PROCR: variants seen among roughly 807,000 people sequenced by gnomAD.
The protein encoded by PROCR is protein C receptor.
In PROCR, 22 loss-of-function variants were observed where a neutral mutation model predicts 24.2. The ratio of observed to expected loss-of-function variants is 0.91; its 90% CI spans 0.65 to 1.30. The LOEUF (loss-of-function observed/expected upper bound fraction) is 1.30. Among genes scored for constraint, PROCR ranks in the 50% most tolerant of loss-of-function variants. PROCR has a pLI of 0.00. For synonymous variants in PROCR, 137 were observed against 139.2 expected, an observed-to-expected ratio of 0.98 and a Z score of 0.11; for missense variants, 288 against 307.7, an observed-to-expected ratio of 0.94 and a Z score of 0.48.
chr20:35,192,588 A>G (rs2086183107), intron 1 of PROCR, among the ~76,000 whole-genome samples: 1 of 152,176 alleles, frequency 6.6e-6, no homozygotes, highest in Non-Finnish European at 1.5e-5. Flanking sequence ...CTGAAGGGAA[A>G]GGAATGTGCT....
rs767542201 is a variant in PROCR, at chr20:35,176,158, C to T, written c.323-10C>T. On this transcript the variant is annotated splice_polypyrimidine_tract_variant and intron_variant, in intron 2 of 3. Coordinates refer to ENST00000216968, the MANE Select transcript of PROCR (RefSeq NM_006404.5). ...TGCACAGTCCCCTGACCCTGACTGT[C>T]TATCCACAGTTCCTCTGACCATCCG... 3.7e-6 allele frequency: 6 copies of T among 1,613,264 alleles called. No individual in the cohort carries two copies. The highest frequency in any genetic ancestry group is 1.7e-5 in the Admixed American group (1 of 60,026).
chr20:35,190,531 A>G (rs1232653192), intron 1 of PROCR, among the ~76,000 whole-genome samples: 1 of 152,100 alleles, frequency 6.6e-6, no homozygotes, highest in Non-Finnish European at 1.5e-5. Context: ...CAGTATGTTT[A>G]TTTTTCTCAG....
downstream of PROCR, among the ~76,000 whole-genome samples, chr20:35,180,175 A>G (rs930807274): frequency 6.6e-6 from 1 of 152,160 alleles, no homozygotes; most frequent in Non-Finnish European, 1.5e-5. Flanking sequence ...TGAACCCAAG[A>G]GGCAGAGGTT....
chr20:35,205,809 ATG>A (rs1451450275), intron 1 of PROCR, among the ~76,000 whole-genome samples: 3 of 141,648 alleles, frequency 2.1e-5, no homozygotes, highest in African/African-American at 8.1e-5. Flanking sequence ...ACACATATAT[ATG>A]TACATATATA....
intron 1 of PROCR, chr20:35,195,495 T>C (rs999787039): frequency 6.6e-6 from 1 of 151,794 alleles, no homozygotes; most frequent in African/African-American, 2.4e-5. Context: ...ATAAAAAAAT[T>C]CAAAAAGTAA....
At chr20:35,211,155 C>A (rs1231336555) in intron 1 of PROCR, among the ~76,000 whole-genome samples, 1 of 152,134 alleles carries the variant, frequency 6.6e-6, no homozygotes, top group Non-Finnish European at 1.5e-5. Flanking sequence ...TGCATGAGTA[C>A]CGCTTACCAA....
At chr20:35,176,111 G>T in intron 2 of PROCR, 57 bp from the exon 3 acceptor site, 1 of 1,566,844 alleles carries the variant, frequency 6.4e-7, no homozygotes. Context: ...GGTGGGCCTC[G>T]CCCCACACCT....
intron 1 of PROCR, among the ~76,000 whole-genome samples, chr20:35,195,103 G>A (rs138470985): frequency 6.6e-6 from 1 of 152,266 alleles, no homozygotes; most frequent in East Asian, 1.9e-4. Context: ...GAAATAAATA[G>A]AAAGGTAGAA....
chr20:35,177,040 T>C lies in PROCR; in HGVS notation c.*227T>C, dbSNP rs763550181. On this transcript the variant is annotated 3_prime_UTR_variant, in exon 4 of 4. Transcript: ENST00000216968. ...GAACCTAAGAACGTGTATGCTTTGC[T>C]GAATTAGTCTGATAAGTGAATGTTT... 18 of 1,342,296 alleles carry C rather than the reference T, an allele frequency of 1.3e-5. No homozygotes were observed. Among genetic ancestry groups the C allele is most frequent in the Non-Finnish European group, 1.7e-5 (18 of 1,041,306 alleles). 83.1% of individuals were successfully genotyped at this position (1,342,296 alleles called of 1,614,324 possible).
At chr20:35,191,428 C>G (rs2086172510) in intron 1 of PROCR, among the ~76,000 whole-genome samples, 2 of 151,954 alleles carry the variant, frequency 1.3e-5, no homozygotes, top group Admixed American at 6.6e-5. Flanking sequence ...GTCTTAGAAG[C>G]TACAGTTTAC....
rs753635446 is a variant in PROCR at position 35,176,289 on chromosome 20, C to G, written c.444C>G (p.Ala148=). 1 of 1,614,250 alleles carries G rather than the reference C, an allele frequency of 6.2e-7. No homozygotes were observed. The highest frequency in any genetic ancestry group is 8.5e-7 in the Non-Finnish European group (1 of 1,180,048). The change falls in exon 3 of 4, where the codon GCC becomes GCG. Residue 148 remains alanine (A), a synonymous_variant. Transcript: ENST00000216968. ...SSFVSFRPER[A]LWQADTQVTS... is the part of the protein sequence containing the mutation. ...TTGTGAGTTTCCGGCCGGAGAGAGC[C>G]TTGTGGCAGGCAGACACCCAGGTCA...
Position 35,174,775 on chromosome 20 carries a change from G to C in PROCR, c.144G>C (p.Ala48=). 1 of 1,614,096 alleles carries C rather than the reference G, an allele frequency of 6.2e-7. No individual in the cohort carries two copies. Among genetic ancestry groups the C allele is most frequent in the South Asian group, 1.1e-5 (1 of 91,088 alleles). ...ATCACGTGTGGTACCAGGGCAACGCGTCGCTGGGGGGACACCTAACGCACG... is the reference window on the plus strand; with the variant it reads ...ATCACGTGTGGTACCAGGGCAACGCCTCGCTGGGGGGACACCTAACGCACG... The part of the protein sequence containing the change: ...DPYHVWYQGN[A]SLGGHLTHVL... Residue 48 remains alanine, a synonymous_variant, in exon 2 of 4, where the codon GCG becomes GCC. Coordinates refer to ENST00000216968, the MANE Select transcript of PROCR (RefSeq NM_006404.5).
At chr20:35,215,831 A>G (rs1163916327) in intron 1 of PROCR, 4 of 983,426 alleles carry the variant, frequency 4.1e-6, no homozygotes, top group Non-Finnish European at 4.8e-6. Context: ...GAGAGAGGTC[A>G]AGGAGACTTC....
chr20:35,206,722 C>A (rs1195166731), intron 1 of PROCR, among the ~76,000 whole-genome samples: 1 of 151,920 alleles, frequency 6.6e-6, no homozygotes, highest in East Asian at 1.9e-4. Context: ...GGTGAGAAGG[C>A]GGAACAACTG....
At chr20:35,206,217 G>C (rs531654199) in intron 1 of PROCR, among the ~76,000 whole-genome samples, 1 of 151,482 alleles carries the variant, frequency 6.6e-6, no homozygotes, top group African/African-American at 2.4e-5. Context: ...CCTCATGCCT[G>C]TAATCCCAGC....
chr20:35,192,490 G>T (rs1568596966), intron 1 of PROCR, among the ~76,000 whole-genome samples: 1 of 152,140 alleles, frequency 6.6e-6, no homozygotes, highest in Non-Finnish European at 1.5e-5. Flanking sequence ...TTATCTGGGA[G>T]GGAAAGTTGT....
intron 1 of PROCR, among the ~76,000 whole-genome samples, chr20:35,211,723 ACT>A (rs1446838217): frequency 6.6e-6 from 1 of 152,134 alleles, no homozygotes; most frequent in Non-Finnish European, 1.5e-5. Context: ...TTATAAAAAC[ACT>A]GTGATCGGCT....
chr20:35,174,689 ACT>A lies in PROCR; in HGVS notation c.71-10_71-9del, dbSNP rs1469214760. Reference sequence around the variant, plus strand: ...CCCACGCCGGCCCAGGCTGAAGCTGACTCTGCCCGCAGGCCTCCAAAGACTTC... The same window carrying A: ...CCCACGCCGGCCCAGGCTGAAGCTGACTGCCCGCAGGCCTCCAAAGACTTC... On this transcript the variant is annotated splice_polypyrimidine_tract_variant and intron_variant, in intron 1 of 3. Coordinates refer to ENST00000216968, the MANE Select transcript of PROCR (RefSeq NM_006404.5). 3.1e-6 allele frequency: 5 copies of A among 1,613,366 alleles called. No homozygotes were observed. The highest frequency in any genetic ancestry group is 4.2e-6 in the Non-Finnish European group (5 of 1,179,884).
intron 1 of PROCR, among the ~76,000 whole-genome samples, chr20:35,194,170 C>T (rs2086196464): frequency 6.6e-6 from 1 of 152,052 alleles, no homozygotes; most frequent in African/African-American, 2.4e-5. Context: ...GTGGTAGGGA[C>T]AAAAGCCTAA....
Sources: gnomAD v4.1 joint callset for allele counts (sites outside exome capture counted in the v4.1 genomes callset) on GRCh38, gnomAD v4.1.1 for gene constraint, MANE v1.5 for transcripts, NCBI Gene and HGNC (gene_info 2026-07-23, HGNC 2026-07-21) for gene names.